AUTS2: variants seen among roughly 807,000 people sequenced by gnomAD.
AUTS2 encodes the protein autism susceptibility gene 2 protein.
In AUTS2, 17 loss-of-function variants were observed where a neutral mutation model predicts 112.4. The ratio of observed to expected loss-of-function variants is 0.15; its 90% CI spans 0.10 to 0.23. AUTS2 has a LOEUF of 0.23. Ranked by LOEUF, AUTS2 falls within the 10% of genes least tolerant of loss-of-function variation. The pLI is 1.00. For synonymous variants in AUTS2, 751 were observed against 702.7 expected (o/e 1.07, Z -1.09); for missense variants, 1,510 against 1,701.6 (o/e 0.89, Z 1.98).
chr7:69,940,232 G>A (rs796230531), intron 2 of AUTS2, among the ~76,000 whole-genome samples: 9 of 152,316 alleles, frequency 5.9e-5, no homozygotes, highest in African/African-American at 1.9e-4. Flanking sequence ...ACCCCTCATG[G>A]TGAGAAGGGC....
At chr7:69,914,028 C>CA (rs1562965335) in intron 2 of AUTS2, among the ~76,000 whole-genome samples, 1 of 152,142 alleles carries the variant, frequency 6.6e-6, no homozygotes, top group Non-Finnish European at 1.5e-5. Context: ...TTATTTAACT[C>CA]AGGATCTGCC....
At chr7:69,684,333 A>AG (rs1234736358) in intron 1 of AUTS2, among the ~76,000 whole-genome samples, 1 of 152,196 alleles carries the variant, frequency 6.6e-6, no homozygotes, top group Non-Finnish European at 1.5e-5. Flanking sequence ...CAGCTCCCAC[A>AG]GGCCTAGGAG....
At chr7:70,723,826 A>T (rs1786844473) in intron 6 of AUTS2, among the ~76,000 whole-genome samples, 1 of 151,968 alleles carries the variant, frequency 6.6e-6, no homozygotes, top group African/African-American at 2.4e-5. Flanking sequence ...TGAAATAAAG[A>T]TCAAGTATTC....
intron 6 of AUTS2, among the ~76,000 whole-genome samples, chr7:70,716,325 GTGAATTTAAAAATGTC>G (rs1185195430): frequency 6.6e-6 from 1 of 152,114 alleles, no homozygotes; most frequent in Non-Finnish European, 1.5e-5. Flanking sequence ...CTTCAGTTTG[GTGAATTTAAAAATGTC>G]TCTTGTTAAA....
At chr7:69,892,702 C>G (rs1017030325) in intron 1 of AUTS2, among the ~76,000 whole-genome samples, 20 of 152,130 alleles carry the variant, frequency 1.3e-4, no homozygotes, top group Admixed American at 7.9e-4. Flanking sequence ...CCCAAGATTA[C>G]AAGAGTTTTC....
intron 4 of AUTS2, among the ~76,000 whole-genome samples, chr7:70,370,840 C>CTT (rs567217333): frequency 6.9e-6 from 1 of 145,412 alleles, no homozygotes; most frequent in Admixed American, 6.9e-5. Flanking sequence ...CACTTGTTGT[C>CTT]TTTTTTTTTT....
At chr7:70,105,972 G>T (rs1804746280) in intron 2 of AUTS2, among the ~76,000 whole-genome samples, 1 of 152,184 alleles carries the variant, frequency 6.6e-6, no homozygotes, top group South Asian at 2.1e-4. Context: ...GTTTTATATA[G>T]TTGAATCTTT....
At chr7:69,691,449 C>T (rs963337686) in intron 1 of AUTS2, among the ~76,000 whole-genome samples, 1 of 152,182 alleles carries the variant, frequency 6.6e-6, no homozygotes, top group Non-Finnish European at 1.5e-5. Flanking sequence ...CCTCCTGCAC[C>T]TGTTTGCAGC....
intron 1 of AUTS2, among the ~76,000 whole-genome samples, chr7:69,741,909 T>C (rs77126776): frequency 0.014 from 2,060 of 151,952 alleles, 23 homozygotes; most frequent in Middle Eastern, 0.031. Flanking sequence ...GCTTAAGTGA[T>C]CCTCCCCACT....
At chr7:69,912,791 ATCAC>A (rs2129541986) in intron 2 of AUTS2, among the ~76,000 whole-genome samples, 1 of 152,316 alleles carries the variant, frequency 6.6e-6, no homozygotes, top group African/African-American at 2.4e-5. Context: ...TGCATGGGAC[ATCAC>A]TTAGATCTGC....
At chr7:69,701,854 T>A (rs1264727970) in intron 1 of AUTS2, among the ~76,000 whole-genome samples, 1 of 152,220 alleles carries the variant, frequency 6.6e-6, no homozygotes, top group Non-Finnish European at 1.5e-5. Context: ...AGTTGGGGTT[T>A]GAGTCCAGGT....
intron 4 of AUTS2, among the ~76,000 whole-genome samples, chr7:70,433,616 G>T (rs775254270): frequency 2.0e-5 from 3 of 152,180 alleles, no homozygotes; most frequent in Non-Finnish European, 4.4e-5. Context: ...TCAGGTCAAA[G>T]AATGTAAATG....
intron 5 of AUTS2, among the ~76,000 whole-genome samples, chr7:70,486,602 A>G (rs1798010908): frequency 6.6e-6 from 1 of 151,966 alleles, no homozygotes; most frequent in Non-Finnish European, 1.5e-5. Context: ...ACAAAACAAA[A>G]CAAAAAATTA....
chr7:69,666,843 A>G lies in AUTS2; in HGVS notation c.309+66881A>G, dbSNP rs150469225. Among the ~76,000 whole-genome samples the G allele has an allele frequency of 3.3e-5, 5 of 152,264 alleles. No individual in the cohort carries two copies. The East Asian group carries it at 7.7e-4, about 24-fold the overall frequency. On this transcript the variant is annotated intron_variant, in intron 1 of 18. Transcript: ENST00000342771. ...CTTGAGCCCAGCATATTGAGGCTGC[A>G]GTGAGTCATGATCATGCCCCTGCAC...
At chr7:70,621,477 A>G (rs1282895122) in intron 5 of AUTS2, among the ~76,000 whole-genome samples, 5 of 152,186 alleles carry the variant, frequency 3.3e-5, no homozygotes, top group Non-Finnish European at 1.5e-5. Flanking sequence ...CTTTCGCCTC[A>G]TGTGTAGGTT....
At chr7:70,260,006 T>G (rs1309756389) in intron 4 of AUTS2, among the ~76,000 whole-genome samples, 1 of 152,202 alleles carries the variant, frequency 6.6e-6, no homozygotes, top group African/African-American at 2.4e-5. Flanking sequence ...TAAAATATTT[T>G]CTAATAAAGC....
intron 1 of AUTS2, among the ~76,000 whole-genome samples, chr7:69,784,810 A>C (rs1308368899): frequency 6.6e-6 from 1 of 152,262 alleles, no homozygotes; most frequent in Non-Finnish European, 1.5e-5. Flanking sequence ...ACTCCAGTGC[A>C]GAAGTTAACA....
intron 2 of AUTS2, among the ~76,000 whole-genome samples, chr7:69,955,952 C>T (rs147513158): frequency 1.6e-3 from 244 of 152,230 alleles, no homozygotes; most frequent in African/African-American, 5.6e-3. Context: ...TAGTGACAGT[C>T]CTGATTTCCA....
At chr7:70,539,856 A>C (rs1369749287) in intron 5 of AUTS2, among the ~76,000 whole-genome samples, 4 of 152,154 alleles carry the variant, frequency 2.6e-5, no homozygotes, top group Non-Finnish European at 5.9e-5. Flanking sequence ...TCTGCCAACA[A>C]AACCAGCGCT....
Sources: gnomAD v4.1 joint callset for allele counts (sites outside exome capture counted in the v4.1 genomes callset) on GRCh38, gnomAD v4.1.1 for gene constraint, MANE v1.5 for transcripts, NCBI Gene and HGNC (gene_info 2026-07-23, HGNC 2026-07-21) for gene names.